The following SLC25A26 variants were observed in gnomAD, a reference collection of about 807,000 sequenced individuals.
SLC25A26 encodes the protein solute carrier family 25 member 26.
A neutral mutation model predicts 37.8 loss-of-function variants in SLC25A26; 36 were observed. That is an observed-to-expected ratio of 0.95 (90% CI 0.73 to 1.26). The LOEUF (loss-of-function observed/expected upper bound fraction) is 1.26. Among genes scored for constraint, SLC25A26 ranks in the 50% most tolerant of loss-of-function variants. The probability of loss-of-function intolerance (pLI) is 0.00; values close to 1 mark genes in which losing one functional copy is unlikely to be tolerated. For missense variants in SLC25A26, 390 were observed against 331.1 expected (o/e 1.18, Z -1.38); for synonymous variants, 129 against 122.5 (o/e 1.05, Z -0.35).
At chr3:66,164,923 A>C (rs1172186711) in intron 1 of SLC25A26, among the ~76,000 whole-genome samples, 1 of 152,166 alleles carries the variant, frequency 6.6e-6, no homozygotes, top group Non-Finnish European at 1.5e-5. Context: ...GATGACAAGG[A>C]TGCATGGAAG....
intron 5 of SLC25A26, among the ~76,000 whole-genome samples, chr3:66,313,360 C>T (rs9823950): frequency 0.16 from 25,051 of 151,986 alleles, 2,225 homozygotes; most frequent in Non-Finnish European, 0.2. Context: ...CTCCCAGCAC[C>T]GTTTATTAAA....
At chr3:66,163,143 T>A (rs1306758651) in intron 1 of SLC25A26, among the ~76,000 whole-genome samples, 1 of 152,224 alleles carries the variant, frequency 6.6e-6, no homozygotes, top group Non-Finnish European at 1.5e-5. Flanking sequence ...GGAAAAAAGC[T>A]GCTATTTGAG....
intron 3 of SLC25A26, 43 bp from the exon 4 acceptor site, chr3:66,262,008 G>A: frequency 8.4e-7 from 1 of 1,194,668 alleles, no homozygotes; most frequent in Non-Finnish European, 1.2e-6. Context: ...AATTTTTATA[G>A]CAGTTATTTA....
chr3:66,230,807 AAAAAAAAAAAAAC>A (rs1161914648), intron 1 of SLC25A26, among the ~76,000 whole-genome samples: 3 of 117,874 alleles, frequency 2.5e-5, no homozygotes, highest in Non-Finnish European at 4.8e-5. Flanking sequence ...CTCTGTCTCA[AAAAAAAAAAAAAC>A]AAAAAAAAAC....
intron 5 of SLC25A26, among the ~76,000 whole-genome samples, chr3:66,324,542 T>C (rs1453408116): frequency 3.9e-5 from 6 of 152,170 alleles, no homozygotes; most frequent in Admixed American, 3.9e-4. Flanking sequence ...ATGTGGCTAA[T>C]TTGTTAGTTT....
intron 1 of SLC25A26, among the ~76,000 whole-genome samples, chr3:66,207,460 G>T (rs1576637938): frequency 6.6e-6 from 1 of 152,250 alleles, no homozygotes; most frequent in East Asian, 1.9e-4. Context: ...AGTATTATGG[G>T]AAGACAGACT....
intron 1 of SLC25A26, among the ~76,000 whole-genome samples, chr3:66,175,159 AC>A (rs200258062): frequency 0.057 from 6,632 of 116,132 alleles, 201 homozygotes; most frequent in Non-Finnish European, 0.088. Context: ...ACACACACAC[AC>A]ATTATATGTA....
intron 5 of SLC25A26, among the ~76,000 whole-genome samples, chr3:66,309,909 T>G (rs2075329692): frequency 6.6e-6 from 1 of 152,234 alleles, no homozygotes; most frequent in African/African-American, 2.4e-5. Context: ...GAGGAATGTT[T>G]TACTTCCATT....
Position 66,236,635 on chromosome 3 carries a change from AG to A in SLC25A26, c.127del (p.Ala43LeufsTer32), listed in dbSNP as rs1363630665. On this transcript the variant is annotated frameshift_variant, in exon 2 of 10. Transcript: ENST00000354883. LOFTEE classifies it high-confidence loss of function. ...TRLQSPQGFS[K>X]AGGFHGIYAG... ...CTGCAGAGTCCCCAAGGATTTAGTA[AG>A]GCTGGTGGTTTTCATGGAATATATG... 1 of 1,529,488 alleles carries A rather than the reference AG, an allele frequency of 6.5e-7. No individual in the cohort carries two copies. The highest frequency in any genetic ancestry group is 2.0e-5 in the Admixed American group (1 of 50,918). 94.7% of individuals were successfully genotyped at this position (1,529,488 alleles called of 1,614,324 possible). A position where few individuals can be genotyped will look rare whatever the true frequency, so the allele number is the denominator to read the frequency against.
intron 1 of SLC25A26, among the ~76,000 whole-genome samples, chr3:66,232,509 A>G (rs897196882): frequency 1.3e-5 from 2 of 152,234 alleles, no homozygotes; most frequent in African/African-American, 4.8e-5. Context: ...TTGTGGTTTA[A>G]TTGGACTGGT....
chr3:66,195,948 G>A (rs1338746431), intron 1 of SLC25A26, among the ~76,000 whole-genome samples: 2 of 152,158 alleles, frequency 1.3e-5, no homozygotes, highest in African/African-American at 4.8e-5. Flanking sequence ...TCCGCCTTTT[G>A]GCTAAGATCA....
At chr3:66,291,527 G>A (rs1203642044) in intron 5 of SLC25A26, among the ~76,000 whole-genome samples, 1 of 152,132 alleles carries the variant, frequency 6.6e-6, no homozygotes, top group Non-Finnish European at 1.5e-5. Flanking sequence ...CAGTTTCAAA[G>A]AACTTATTTA....
At chr3:66,248,534 G>A (rs993361143) in intron 3 of SLC25A26, among the ~76,000 whole-genome samples, 2 of 152,250 alleles carry the variant, frequency 1.3e-5, no homozygotes, top group South Asian at 2.1e-4. Context: ...GATTTGACGT[G>A]TTGTATCTTA....
chr3:66,360,574 A>G lies in SLC25A26; in HGVS notation c.499-2286A>G, dbSNP rs546944517. ...ATACAAGATCAGTGTACAAAAATCAATTGTGTTGATAACCAGTTTCAGTTT... is the reference window on the plus strand; with the variant it reads ...ATACAAGATCAGTGTACAAAAATCAGTTGTGTTGATAACCAGTTTCAGTTT... On this transcript the variant is annotated intron_variant, in intron 6 of 9. Transcript: ENST00000354883. Among the ~76,000 whole-genome samples, 4 of 152,338 alleles carry G rather than the reference A, an allele frequency of 2.6e-5. No homozygotes were observed. In the South Asian group the frequency reaches 8.3e-4, roughly 32 times the overall value.
chr3:66,348,711 G>A (rs921933447), intron 6 of SLC25A26, among the ~76,000 whole-genome samples: 1 of 152,194 alleles, frequency 6.6e-6, no homozygotes, highest in African/African-American at 2.4e-5. Context: ...TAAGTATCAA[G>A]AAGTATTTCT....
intron 5 of SLC25A26, among the ~76,000 whole-genome samples, chr3:66,292,526 A>G (rs2074748369): frequency 6.6e-6 from 1 of 152,138 alleles, no homozygotes; most frequent in Non-Finnish European, 1.5e-5. Flanking sequence ...TTGCTTGTCC[A>G]TAAAGGATTT....
chr3:66,302,998 G>A (rs574157051), intron 5 of SLC25A26, among the ~76,000 whole-genome samples: 1 of 152,250 alleles, frequency 6.6e-6, no homozygotes, highest in East Asian at 1.9e-4. Context: ...TGCATTCCAG[G>A]CTGTGTAGCA....
chr3:66,240,891 A>G (rs1214075527), intron 2 of SLC25A26, among the ~76,000 whole-genome samples: 1 of 150,932 alleles, frequency 6.6e-6, no homozygotes, highest in Non-Finnish European at 1.5e-5. Context: ...GACTACAGGC[A>G]CCCGCCACCA....
chr3:66,149,029 T>A (rs986342363), intron 1 of SLC25A26, among the ~76,000 whole-genome samples: 1 of 152,172 alleles, frequency 6.6e-6, no homozygotes, highest in Non-Finnish European at 1.5e-5. Flanking sequence ...CACTGTAGGA[T>A]GTAATCAAGA....
Sources: allele counts gnomAD v4.1 joint callset (sites outside exome capture counted in the v4.1 genomes callset), GRCh38; gene constraint gnomAD v4.1.1; transcripts MANE v1.5; gene names NCBI Gene and HGNC (gene_info 2026-07-23, HGNC 2026-07-21).